Variants in CCNYL1 observed in about 807,000 individuals in gnomAD.
The protein encoded by CCNYL1 is cyclin Y like 1.
A neutral mutation model predicts 44.2 loss-of-function variants in CCNYL1; 16 were observed. The ratio of observed to expected loss-of-function variants is 0.36; its 90% CI spans 0.25 to 0.55. The LOEUF (loss-of-function observed/expected upper bound fraction) is 0.55, where lower values mean the gene tolerates loss of function less well. Ranked by LOEUF, CCNYL1 falls within the 20% of genes least tolerant of loss-of-function variation. The pLI is 0.85. For missense variants in CCNYL1, 348 were observed against 451.8 expected, an observed-to-expected ratio of 0.77 and a Z score of 2.08; for synonymous variants, 159 against 163.2, an observed-to-expected ratio of 0.97 and a Z score of 0.20.
At chr2:207,741,710 T>G (rs28439881) in intron 6 of CCNYL1, among the ~76,000 whole-genome samples, 23,561 of 151,542 alleles carry the variant, frequency 0.16, 3,019 homozygotes, top group East Asian at 0.38. Context: ...GCCGGACATG[T>G]TGGTGCACGC....
chr2:207,717,505 T>A (rs941093056), intron 1 of CCNYL1, among the ~76,000 whole-genome samples: 1 of 152,086 alleles, frequency 6.6e-6, no homozygotes, highest in South Asian at 2.1e-4. Flanking sequence ...AGATAATACA[T>A]GAATAATCAA....
chr2:207,732,552 A>C (rs987749580), intron 3 of CCNYL1, among the ~76,000 whole-genome samples: 4 of 152,126 alleles, frequency 2.6e-5, no homozygotes, highest in African/African-American at 9.7e-5. Context: ...ACATGGTAAA[A>C]ACTATCATAT....
chr2:207,731,806 C>CT lies in CCNYL1; in HGVS notation c.331-2120dup, dbSNP rs58231431. On this transcript the variant is annotated intron_variant, in intron 3 of 9. Coordinates refer to ENST00000295414, the MANE Select transcript of CCNYL1 (RefSeq NM_001330218.2). ...ATATTGATTAGCAGAGAGGTTTCTT[C>CT]TTTTTTTTTTTTTTTTTTTTTGAGA... is the stretch of plus-strand genomic sequence containing the variant. Among the ~76,000 whole-genome samples the CT allele has an allele frequency of 5.5e-3, 465 of 84,680 alleles. 7 individuals carry two copies. Among genetic ancestry groups the CT allele is most frequent in the African/African-American group, 0.016 (412 of 25,758 alleles). The allele number at this position is 84,680 out of a possible 152,430, so 55.6% of individuals were successfully genotyped here.
chr2:207,729,857 A>G (rs2091712788), intron 3 of CCNYL1, among the ~76,000 whole-genome samples: 1 of 150,666 alleles, frequency 6.6e-6, no homozygotes, highest in Non-Finnish European at 1.5e-5. Flanking sequence ...CTGAGATTAC[A>G]GGTGTGTGCC....
chr2:207,717,549 T>C (rs956876907), intron 1 of CCNYL1, among the ~76,000 whole-genome samples: 3 of 151,970 alleles, frequency 2.0e-5, no homozygotes, highest in Non-Finnish European at 4.4e-5. Flanking sequence ...GGGAGAAAAG[T>C]AAAATAGGGT....
At chr2:207,745,312 A>G (rs561814102) in intron 7 of CCNYL1, among the ~76,000 whole-genome samples, 19 of 152,170 alleles carry the variant, frequency 1.2e-4, no homozygotes, top group Non-Finnish European at 2.8e-4. Context: ...GATCAACTGC[A>G]CTGATGGAGT....
At chr2:207,748,544 CA>C (rs2091871424) in intron 8 of CCNYL1, among the ~76,000 whole-genome samples, 1 of 152,194 alleles carries the variant, frequency 6.6e-6, no homozygotes, top group African/African-American at 2.4e-5. Context: ...GCCCACCAGA[CA>C]GTGAGAATGG....
Position 207,750,939 on chromosome 2 carries a change from G to T in CCNYL1, c.807-18G>T, listed in dbSNP as rs1224041680. 11 of 1,611,122 alleles carry T rather than the reference G, an allele frequency of 6.8e-6. No individual in the cohort carries two copies. Among genetic ancestry groups the T allele is most frequent in the Non-Finnish European group, 8.5e-7 (1 of 1,178,628 alleles). Reference sequence around the variant, plus strand: ...GACATTGTCCTGTGCTGGTTCTGTTGTGTTCTTCCTCCTCCAGGAATGAAA... The same window carrying T: ...GACATTGTCCTGTGCTGGTTCTGTTTTGTTCTTCCTCCTCCAGGAATGAAA... On this transcript the variant is annotated intron_variant, in intron 8 of 9. Coordinates refer to ENST00000295414, the MANE Select transcript of CCNYL1 (RefSeq NM_001330218.2).
At chr2:207,717,101 T>TC (rs1403576988) in intron 1 of CCNYL1, among the ~76,000 whole-genome samples, 1 of 136,880 alleles carries the variant, frequency 7.3e-6, no homozygotes, top group Non-Finnish European at 1.5e-5. Flanking sequence ...GGAGCGAGAC[T>TC]CCATCTCAAA....
intron 4 of CCNYL1, among the ~76,000 whole-genome samples, chr2:207,735,797 G>A (rs190643425): frequency 1.3e-5 from 2 of 152,198 alleles, no homozygotes; most frequent in African/African-American, 4.8e-5. Context: ...CCGGGAAGCG[G>A]AGGTTGCAGT....
chr2:207,732,222 G>A (rs2091734185), intron 3 of CCNYL1, among the ~76,000 whole-genome samples: 2 of 152,150 alleles, frequency 1.3e-5, no homozygotes, highest in Admixed American at 6.6e-5. Flanking sequence ...CACAGTTAAT[G>A]TAAACTATAT....
At chr2:207,747,388 C>CA (rs375555912) in intron 8 of CCNYL1, among the ~76,000 whole-genome samples, 175 bp downstream of exon 8, 2,684 of 133,144 alleles carry the variant, frequency 0.02, 45 homozygotes, top group African/African-American at 0.055. Flanking sequence ...AAGACTGTCT[C>CA]AAAAAAAAAA....
intron 2 of CCNYL1, 81 bp downstream of exon 2, chr2:207,724,955 T>G: frequency 1.9e-6 from 2 of 1,072,080 alleles, no homozygotes; most frequent in Non-Finnish European, 2.7e-6. Context: ...AGAAGGTATT[T>G]AGAAGAACTG....
intron 4 of CCNYL1, among the ~76,000 whole-genome samples, chr2:207,737,116 C>T (rs7564254): frequency 0.38 from 57,107 of 151,884 alleles, 12,752 homozygotes; most frequent in Non-Finnish European, 0.5. Context: ...GGGGTTTCAC[C>T]GTGTTAGCCA....
intron 1 of CCNYL1, among the ~76,000 whole-genome samples, chr2:207,717,177 AT>A (rs901612150): frequency 6.6e-6 from 1 of 151,888 alleles, no homozygotes; most frequent in Non-Finnish European, 1.5e-5. Context: ...GGACTTTAGA[AT>A]TCATCATTTA....
At chr2:207,714,632 A>G (rs11884008) in intron 1 of CCNYL1, 2,263 of 186,696 alleles carry the variant, frequency 0.012, 52 homozygotes, top group African/African-American at 0.051. Flanking sequence ...AGAAGCTGGC[A>G]AGAGGGAAGG....
chr2:207,726,452 C>T (rs2091680529), intron 2 of CCNYL1, among the ~76,000 whole-genome samples: 1 of 152,144 alleles, frequency 6.6e-6, no homozygotes, highest in African/African-American at 2.4e-5. Context: ...TTAGAGCTGT[C>T]AGGTGTTAGA....
intron 3 of CCNYL1, among the ~76,000 whole-genome samples, chr2:207,729,832 C>T (rs569188293): frequency 1.3e-5 from 2 of 152,032 alleles, no homozygotes; most frequent in African/African-American, 4.8e-5. Flanking sequence ...TCTTGTGCCT[C>T]GGTCTCTTGA....
chr2:207,748,478 G>A (rs1302324110), intron 8 of CCNYL1, among the ~76,000 whole-genome samples: 2 of 152,226 alleles, frequency 1.3e-5, no homozygotes, highest in Non-Finnish European at 2.9e-5. Context: ...GAAGGGCCTT[G>A]GAGCTTGGTA....
Sources: allele counts gnomAD v4.1 joint callset (sites outside exome capture counted in the v4.1 genomes callset), GRCh38; gene constraint gnomAD v4.1.1; transcripts MANE v1.5; gene names NCBI Gene and HGNC (gene_info 2026-07-23, HGNC 2026-07-21).